The following ZCCHC2 variants were observed in gnomAD, a reference collection of about 807,000 sequenced individuals.
ZCCHC2 encodes zinc finger CCHC-type containing 2.
In ZCCHC2, 39 loss-of-function variants were observed where a neutral mutation model predicts 103.6. That is an observed-to-expected ratio of 0.38 (90% confidence interval 0.29 to 0.49). ZCCHC2 has a LOEUF of 0.49. Ranked by LOEUF, ZCCHC2 falls within the 20% of genes least tolerant of loss-of-function variation. The probability of loss-of-function intolerance (pLI) is 0.96; values close to 1 mark genes in which losing one functional copy is unlikely to be tolerated. For synonymous variants in ZCCHC2, 687 were observed against 608.9 expected (o/e 1.13, Z -1.89); for missense variants, 1,483 against 1,491.0 (o/e 0.99, Z 0.09).
At chr18:62,568,211 T>G (rs1213607542) in intron 11 of ZCCHC2, among the ~76,000 whole-genome samples, 1 of 152,210 alleles carries the variant, frequency 6.6e-6, no homozygotes, top group Non-Finnish European at 1.5e-5. Context: ...CCAGTATTTT[T>G]AGTGTTAGAA....
At position 62,523,856 on chromosome 18, in the gene ZCCHC2, C is replaced by T. The variant is rs1020643393; in HGVS notation, c.432C>T (p.Tyr144=). 5.4e-5 allele frequency: 83 copies of T among 1,544,814 alleles called. No homozygotes were observed. The highest frequency in any genetic ancestry group is 2.9e-4 in the East Asian group (12 of 40,690). ...ACCTGGCGCGCAAGGACTACCACTA[C>T]CTGCGCGACTCGGAGGCCAAGGCCA... ...LEDLARKDYH[Y]LRDSEAKANG... Residue 144 remains tyrosine, a synonymous_variant, in exon 1 of 14, where the codon TAC becomes TAT. Transcript: ENST00000269499.
intron 12 of ZCCHC2, among the ~76,000 whole-genome samples, chr18:62,573,082 T>C (rs890883154): frequency 6.6e-6 from 1 of 152,240 alleles, no homozygotes; most frequent in Non-Finnish European, 1.5e-5. Context: ...TTTAGTGTTC[T>C]GTTTGAAAAC....
chr18:62,536,384 A>C (rs887046573), intron 1 of ZCCHC2, among the ~76,000 whole-genome samples: 15 of 152,206 alleles, frequency 9.9e-5, no homozygotes, highest in African/African-American at 3.6e-4. Flanking sequence ...AACAGAGAAA[A>C]ATCCACTTTT....
rs1025022393 is a variant in ZCCHC2 at position 62,542,554 on chromosome 18, T to C, written c.1108T>C (p.Tyr370His). The C allele has an allele frequency of 6.4e-7, 1 of 1,563,550 alleles. No homozygotes were observed. The highest frequency in any genetic ancestry group is 1.9e-5 in the Admixed American group (1 of 52,438). The change falls in exon 3 of 14, where the codon TAC (tyrosine) becomes CAC (histidine). Residue 370 changes from tyrosine (Y) to histidine (H), a missense_variant. Tyr to His is a moderately conservative substitution (Grantham distance 83). This residue lies in a region of ZCCHC2 where 568 missense variants were observed against 525.1 expected (regional missense o/e 1.08). Transcript: ENST00000269499. ...AGTCCAGAGAAAAAGAGCTGACAAA[T>C]ACTGGGAGTACACTTTCAAAGTAAG... ...KGVQRKRADK[Y>H]WEYTFKVNWS...
At chr18:62,579,568 A>G (rs1916986334), downstream of ZCCHC2, among the ~76,000 whole-genome samples, 1 of 152,142 alleles carries the variant, frequency 6.6e-6, no homozygotes, top group African/African-American at 2.4e-5. Flanking sequence ...CAGGGCACCA[A>G]CTTTCGTTTT....
intron 1 of ZCCHC2, among the ~76,000 whole-genome samples, chr18:62,535,837 T>G (rs956778361): frequency 2.6e-5 from 4 of 152,228 alleles, no homozygotes; most frequent in African/African-American, 9.6e-5. Context: ...TAATAGAATG[T>G]TGTTATATAT....
chr18:62,550,383 G>A lies in ZCCHC2; in HGVS notation c.1236G>A (p.Lys412=). 1 of 1,613,724 alleles carries A rather than the reference G, an allele frequency of 6.2e-7. No homozygotes were observed. Among genetic ancestry groups the A allele is most frequent in the Non-Finnish European group, 8.5e-7 (1 of 1,179,808 alleles). ...AACTGTCTTCAGAGACTTTTGACAA[G>A]ACCATCTTAAGAGCCCTGAATCAGG... ...PKELSSETFD[K]TILRALNQGS... is the part of the protein sequence containing the mutation. Residue 412 remains lysine (K), a synonymous_variant, in exon 5 of 14, where the codon AAG becomes AAA. Coordinates refer to ENST00000269499, the MANE Select transcript of ZCCHC2 (RefSeq NM_017742.6).
intron 1 of ZCCHC2, among the ~76,000 whole-genome samples, chr18:62,525,647 C>T (rs894492993): frequency 2.5e-4 from 38 of 151,984 alleles, no homozygotes; most frequent in African/African-American, 9.2e-4. Context: ...TAGCCTGAAC[C>T]CCTTTTTTAA....
Position 62,523,627 on chromosome 18 carries a change from G to A in ZCCHC2, c.203G>A (p.Gly68Glu). 2.4e-6 allele frequency: 3 copies of A among 1,227,082 alleles called. No homozygotes were observed. Among genetic ancestry groups the A allele is most frequent in the Non-Finnish European group, 3.0e-6 (3 of 985,534 alleles). The allele number at this position is 1,227,082 out of a possible 1,614,324, so 76.0% of individuals were successfully genotyped here. A position where few individuals can be genotyped will look rare whatever the true frequency, so the allele number is the denominator to read the frequency against. ...LPPPPPPRGL[G>E]PPVAGGAAAG... is the part of the protein sequence containing the mutation. Reference sequence around the variant, plus strand: ...CCGCCGCCGCCGCCCCGGGGACTCGGGCCGCCTGTTGCTGGTGGAGCGGCG... The same window carrying A: ...CCGCCGCCGCCGCCCCGGGGACTCGAGCCGCCTGTTGCTGGTGGAGCGGCG... Residue 68 changes from glycine (G) to glutamate (E), a missense_variant, in exon 1 of 14, where the codon GGG (glycine) becomes GAG (glutamate). Gly to Glu is a moderately conservative substitution (Grantham distance 98, BLOSUM62 -2). Transcript: ENST00000269499.
rs1161430408 is a variant in ZCCHC2 at position 62,523,568 on chromosome 18, G to GCCGCCC, written c.145_150dup (p.Pro49_Pro50dup). On this transcript the variant is annotated inframe_insertion, in exon 1 of 14. Coordinates refer to ENST00000269499, the MANE Select transcript of ZCCHC2 (RefSeq NM_017742.6). ...ACTGCCGCCCCCCGCCGCCGCCGCC[G>GCCGCCC]CCGCCCGCGGGCCCGTCGCGGGGCC... is the stretch of plus-strand genomic sequence containing the variant. 1.1e-3 allele frequency: 1,008 copies of GCCGCCC among 957,544 alleles called. No individual in the cohort carries two copies. Among genetic ancestry groups the GCCGCCC allele is most frequent in the Non-Finnish European group, 1.2e-3 (956 of 810,396 alleles). The allele number at this position is 957,544 out of a possible 1,614,324, so 59.3% of individuals were successfully genotyped here. A position where few individuals can be genotyped will look rare whatever the true frequency, so the allele number is the denominator to read the frequency against.
At chr18:62,541,378 T>C (rs1023739974) in intron 2 of ZCCHC2, among the ~76,000 whole-genome samples, 4 of 152,238 alleles carry the variant, frequency 2.6e-5, no homozygotes, top group Admixed American at 6.5e-5. Flanking sequence ...TTTCTGTATC[T>C]TATGCTTCAT....
intron 3 of ZCCHC2, among the ~76,000 whole-genome samples, chr18:62,543,193 C>T (rs1258353789): frequency 2.0e-5 from 3 of 152,152 alleles, no homozygotes; most frequent in African/African-American, 7.2e-5. Flanking sequence ...AACCATGCCA[C>T]GTTTTTGTGA....
intron 12 of ZCCHC2, among the ~76,000 whole-genome samples, chr18:62,572,368 C>T (rs1458738090): frequency 6.6e-6 from 1 of 152,234 alleles, no homozygotes; most frequent in Admixed American, 6.5e-5. Flanking sequence ...TACATCTGTA[C>T]ACTTGGGTAA....
chr18:62,541,927 G>A (rs1248339128), intron 2 of ZCCHC2, among the ~76,000 whole-genome samples: 1 of 152,028 alleles, frequency 6.6e-6, no homozygotes, highest in East Asian at 1.9e-4. Context: ...TTGCCACAAT[G>A]AACGTTTATT....
chr18:62,578,793 G>A (rs1021513477), downstream of ZCCHC2, among the ~76,000 whole-genome samples: 1 of 152,156 alleles, frequency 6.6e-6, no homozygotes, highest in Non-Finnish European at 1.5e-5. Flanking sequence ...TTGAGACGGG[G>A]TCTTGCTCTG....
chr18:62,535,136 G>A (rs925037336), intron 1 of ZCCHC2, among the ~76,000 whole-genome samples: 5 of 152,310 alleles, frequency 3.3e-5, no homozygotes, highest in East Asian at 1.9e-4. Flanking sequence ...CTGCGACAGC[G>A]AAGGCAGAGT....
At chr18:62,549,279 C>T (rs1474526363) in intron 4 of ZCCHC2, among the ~76,000 whole-genome samples, 2 of 152,136 alleles carry the variant, frequency 1.3e-5, no homozygotes, top group Admixed American at 6.5e-5. Flanking sequence ...ATTCCCACAG[C>T]GGGTGTGTAG....
chr18:62,549,881 G>A (rs1328154836), intron 4 of ZCCHC2, among the ~76,000 whole-genome samples: 1 of 152,202 alleles, frequency 6.6e-6, no homozygotes, highest in South Asian at 2.1e-4. Flanking sequence ...ATCTGACATT[G>A]CCTGAGAGTA....
At chr18:62,569,974 A>G (rs1916527542) in intron 11 of ZCCHC2, 129 bp from the exon 12 acceptor site, 1 of 827,814 alleles carries the variant, frequency 1.2e-6, no homozygotes, top group Non-Finnish European at 1.8e-6. Flanking sequence ...TAGATCAAGG[A>G]CAAGCTTTTT....
Sources: gnomAD v4.1 joint callset for allele counts (sites outside exome capture counted in the v4.1 genomes callset) on GRCh38, gnomAD v4.1.1 for gene constraint, gnomAD v4.1.1 regional missense constraint, MANE v1.5 for transcripts, NCBI Gene and HGNC (gene_info 2026-07-23, HGNC 2026-07-21) for gene names.